The following CHD1 variants were observed in gnomAD, a reference collection of about 807,000 sequenced individuals.
CHD1 encodes the protein ATP-dependent chromatin remodeler CHD1.
In CHD1, 36 loss-of-function variants were observed where a neutral mutation model predicts 224.2. The ratio of observed to expected loss-of-function variants is 0.16; its 90% CI spans 0.12 to 0.21. CHD1 has a LOEUF of 0.21. Ranked by LOEUF, CHD1 falls within the 10% of genes least tolerant of loss-of-function variation. The probability of loss-of-function intolerance (pLI) is 1.00; values close to 1 mark genes in which losing one functional copy is unlikely to be tolerated. For synonymous variants in CHD1, 668 were observed against 658.3 expected (o/e 1.01, Z -0.23); for missense variants, 1,378 against 1,994.8 (o/e 0.69, Z 5.89).
At position 98,894,700 on chromosome 5, in the gene CHD1, T is replaced by G; in HGVS notation, c.1711-14A>C. ...ATGAGTTCTTATCTATTAAGAAATTTGAAGGACAATTTTTAAGACAAACAT... is the reference window on the plus strand; with the variant it reads ...ATGAGTTCTTATCTATTAAGAAATTGGAAGGACAATTTTTAAGACAAACAT... On this transcript the variant is annotated splice_polypyrimidine_tract_variant and intron_variant, in intron 12 of 35. Transcript: ENST00000614616. The G allele has an allele frequency of 7.9e-7, 1 of 1,263,692 alleles. No individual in the cohort carries two copies. Among genetic ancestry groups the G allele is most frequent in the South Asian group, 1.4e-5 (1 of 71,972 alleles). 78.3% of individuals were successfully genotyped at this position (1,263,692 alleles called of 1,614,324 possible).
intron 2 of CHD1, among the ~76,000 whole-genome samples, chr5:98,914,532 T>C (rs1478715249): frequency 6.6e-6 from 1 of 152,030 alleles, no homozygotes; most frequent in Non-Finnish European, 1.5e-5. Flanking sequence ...AAAAAATACC[T>C]TATGTGAAAG....
intron 2 of CHD1, among the ~76,000 whole-genome samples, chr5:98,919,866 T>TATC (rs1203731182): frequency 6.6e-6 from 1 of 152,170 alleles, no homozygotes; most frequent in Non-Finnish European, 1.5e-5. Flanking sequence ...GACACTTGAA[T>TATC]ATCAACAAGC....
Position 98,856,264 on chromosome 5 carries a change from T to C in CHD1, c.*116A>G, listed in dbSNP as rs1748012226. 1 of 698,182 alleles carries C rather than the reference T, an allele frequency of 1.4e-6. No homozygotes were observed. The highest frequency in any genetic ancestry group is 2.8e-5 in the Admixed American group (1 of 35,854). 43.2% of individuals were successfully genotyped at this position (698,182 alleles called of 1,614,324 possible). The stretch of plus-strand genomic sequence containing the variant: ...CTTGCATCCTGGAAAGAAGTAACAA[T>C]ACTGCTACTGATAGAAGATCTGTTT... On this transcript the variant is annotated 3_prime_UTR_variant, in exon 36 of 36. Transcript: ENST00000614616.
In CHD1 at chr5:98,872,197, T is replaced by C; in HGVS notation, c.3715A>G (p.Thr1239Ala). 3 of 1,603,112 alleles carry C rather than the reference T, an allele frequency of 1.9e-6. No individual in the cohort carries two copies. In the South Asian group the frequency reaches 3.4e-5, roughly 18 times the overall value. ...PSDPEERKQYTIPCHTKAAHF... is the reference protein window; with the variant it reads ...PSDPEERKQYAIPCHTKAAHF... The stretch of plus-strand genomic sequence containing the variant: ...GCTGCCTTTGTGTGGCATGGGATAG[T>C]ATACCTGGCATCAAAGTTAATAACT... The change falls in exon 28 of 36, where the codon ACT becomes GCT. Residue 1239 changes from threonine (T) to alanine (A), a missense_variant. This residue lies in a region of CHD1 where 286 missense variants were observed against 445.1 expected (regional missense o/e 0.64). Coordinates refer to ENST00000614616, the MANE Select transcript of CHD1 (RefSeq NM_001270.4).
chr5:98,871,697 TTTATATA>T (rs1371666002), intron 28 of CHD1, among the ~76,000 whole-genome samples: 3 of 152,148 alleles, frequency 2.0e-5, no homozygotes, highest in African/African-American at 7.2e-5. Flanking sequence ...TGATTGCATC[TTTATATA>T]TTATATGATT....
rs1235749252 is a variant in CHD1 at position 98,855,398 on chromosome 5, GAA to G, written c.*980_*981del. 6.6e-6 allele frequency: 1 copy of G among 152,612 alleles called. No homozygotes were observed. Among genetic ancestry groups the G allele is most frequent in the East Asian group, 1.9e-4 (1 of 5,180 alleles). 9.5% of individuals were successfully genotyped at this position (152,612 alleles called of 1,614,324 possible). On this transcript the variant is annotated 3_prime_UTR_variant, in exon 36 of 36. Coordinates refer to ENST00000614616, the MANE Select transcript of CHD1 (RefSeq NM_001270.4). Reference sequence around the variant, plus strand: ...ATAACTTTTGGCCGTTTTGGATTCTGAAAAGTGTTTATACACCTACCCTTTTA... The same window carrying G: ...ATAACTTTTGGCCGTTTTGGATTCTGAAGTGTTTATACACCTACCCTTTTA...
At chr5:98,888,645 T>C (rs1750808607) in intron 16 of CHD1, among the ~76,000 whole-genome samples, 1 of 152,238 alleles carries the variant, frequency 6.6e-6, no homozygotes, top group African/African-American at 2.4e-5. Context: ...AGCCCTTCAA[T>C]GCACTACAGT....
intron 25 of CHD1, 35 bp from the exon 26 acceptor site, chr5:98,873,758 G>A: frequency 6.3e-7 from 1 of 1,575,682 alleles, no homozygotes; most frequent in Non-Finnish European, 8.6e-7. Context: ...AGGTAAATAT[G>A]TTAAATGAAG....
intron 23 of CHD1, among the ~76,000 whole-genome samples, chr5:98,877,247 A>G (rs1749828187): frequency 6.6e-6 from 1 of 152,222 alleles, no homozygotes; most frequent in Non-Finnish European, 1.5e-5. Context: ...ATGCTGAGAC[A>G]CCATTAAAAA....
Position 98,872,196 on chromosome 5 carries a change from G to C in CHD1, c.3716C>G (p.Thr1239Ser), listed in dbSNP as rs146552309. 6.2e-7 allele frequency: 1 copy of C among 1,603,886 alleles called. No homozygotes were observed. The highest frequency in any genetic ancestry group is 8.5e-7 in the Non-Finnish European group (1 of 1,177,148). The change falls in exon 28 of 36, where the codon ACT becomes AGT. Residue 1239 changes from threonine (T) to serine (S), a missense_variant. Physicochemically the swap from Thr to Ser is moderately conservative, Grantham distance 58 (BLOSUM62 1). Around this residue, in one of 16 missense-constraint regions of CHD1, gnomAD observed 286 missense variants for 445.1 expected, o/e 0.64. Coordinates refer to ENST00000614616, the MANE Select transcript of CHD1 (RefSeq NM_001270.4). ...PSDPEERKQY[T>S]IPCHTKAAHF... is the part of the protein sequence containing the mutation. ...AGCTGCCTTTGTGTGGCATGGGATA[G>C]TATACCTGGCATCAAAGTTAATAAC...
chr5:98,926,918 T>TGGGGG (rs34603767), intron 1 of CHD1, among the ~76,000 whole-genome samples: 1 of 59,700 alleles, frequency 1.7e-5, no homozygotes, highest in Non-Finnish European at 3.1e-5. Flanking sequence ...ATAAATGAAG[T>TGGGGG]GGGGGGGGGG....
intron 2 of CHD1, among the ~76,000 whole-genome samples, chr5:98,914,552 A>G (rs1752622799): frequency 6.6e-6 from 1 of 152,326 alleles, no homozygotes; most frequent in East Asian, 1.9e-4. Context: ...GTAAAAAGAT[A>G]AAATACAACT....
intron 26 of CHD1, among the ~76,000 whole-genome samples, chr5:98,872,822 TAAAG>T (rs1749458363): frequency 6.6e-6 from 1 of 152,148 alleles, no homozygotes; most frequent in African/African-American, 2.4e-5. Flanking sequence ...AGCCTCTAAA[TAAAG>T]AATTATAGGA....
intron 12 of CHD1, 123 bp downstream of exon 12, chr5:98,896,103 C>G (rs1751329109): frequency 5.2e-6 from 4 of 775,470 alleles, no homozygotes; most frequent in Non-Finnish European, 8.5e-6. Flanking sequence ...TGCAGTGAGC[C>G]AAGATCATAC....
At position 98,903,799 on chromosome 5, in the gene CHD1, G is replaced by A; in HGVS notation, c.365C>T (p.Ser122Leu). Residue 122 changes from serine (S) to leucine (L), a missense_variant, in exon 4 of 36, where the codon TCA (serine) becomes TTA (leucine). This residue lies in a region of CHD1 where 306 missense variants were observed against 298.1 expected (regional missense o/e 1.03). Transcript: ENST00000614616. ...CTCATGATGAAAATGCACCTCTTCT[G>A]ATCCGCTATTAGATGAGGCTTGATG... The part of the protein sequence containing the change: ...QQHQASSNSG[S>L]EEDSSSSEDS... 1 of 1,607,886 alleles carries A rather than the reference G, an allele frequency of 6.2e-7. No homozygotes were observed. Among genetic ancestry groups the A allele is most frequent in the Non-Finnish European group, 8.5e-7 (1 of 1,174,514 alleles).
At chr5:98,863,710 C>A in intron 31 of CHD1, 124 bp from the exon 32 acceptor site, 1 of 597,222 alleles carries the variant, frequency 1.7e-6, no homozygotes, top group Non-Finnish European at 2.7e-6. Flanking sequence ...GCAAAATAAG[C>A]AATTAAATCT....
chr5:98,869,460 A>G, intron 30 of CHD1: 2 of 303,940 alleles, frequency 6.6e-6, no homozygotes, highest in Non-Finnish European at 1.1e-5. Context: ...TCAAGTTCAT[A>G]ATACAATTAA....
chr5:98,883,553 C>T (rs1750355504), intron 18 of CHD1, among the ~76,000 whole-genome samples: 1 of 151,814 alleles, frequency 6.6e-6, no homozygotes, highest in Non-Finnish European at 1.5e-5. Flanking sequence ...CGTGGAAATT[C>T]CTTAAAGGAA....
chr5:98,857,517 CTAATT>C (rs1244108733), intron 35 of CHD1, among the ~76,000 whole-genome samples: 2 of 152,020 alleles, frequency 1.3e-5, no homozygotes, highest in African/African-American at 4.8e-5. Flanking sequence ...AAGATGTCTT[CTAATT>C]TGTTTCTTCT....
Sources: gnomAD v4.1 joint callset for allele counts (sites outside exome capture counted in the v4.1 genomes callset) on GRCh38, gnomAD v4.1.1 for gene constraint, gnomAD v4.1.1 regional missense constraint, MANE v1.5 for transcripts, NCBI Gene and HGNC (gene_info 2026-07-23, HGNC 2026-07-21) for gene names.